Variants in ABCA5 observed in about 807,000 individuals in gnomAD.
ABCA5 encodes the protein cholesterol transporter ABCA5.
ABCA5 carries 163 observed loss-of-function variants against 206.0 expected under a neutral mutation model. The ratio of observed to expected loss-of-function variants is 0.79; its 90% CI spans 0.70 to 0.90. The LOEUF (loss-of-function observed/expected upper bound fraction) is 0.90. Ranked by LOEUF, ABCA5 falls within the 40% of genes least tolerant of loss-of-function variation. The pLI is 0.00. For synonymous variants in ABCA5, 609 were observed against 613.8 expected, an observed-to-expected ratio of 0.99 and a Z score of 0.11; for missense variants, 1,859 against 1,912.9, an observed-to-expected ratio of 0.97 and a Z score of 0.53.
intron 12 of ABCA5, among the ~76,000 whole-genome samples, chr17:69,290,821 T>C (rs994058772): frequency 2.0e-5 from 3 of 152,116 alleles, no homozygotes; most frequent in African/African-American, 4.8e-5. Context: ...TTTTAGAAGA[T>C]AGTATGAACA....
Position 69,289,870 on chromosome 17 carries a change from T to G in ABCA5, c.1774A>C (p.Ile592Leu). 6.2e-7 allele frequency: 1 copy of G among 1,603,804 alleles called. No individual in the cohort carries two copies. Reference protein sequence around the residue: ...SIKGIPANNIIQEVQKVLLDL... With the variant: ...SIKGIPANNILQEVQKVLLDL... ...CTATATGAATAGCATACTTCTTGTA[T>G]TATATTGTTGGCTGGTATCCCTTTG... is the stretch of plus-strand genomic sequence containing the variant. Residue 592 changes from isoleucine (I) to leucine (L), a missense_variant, in exon 13 of 39, where the codon ATA becomes CTA. Physicochemically the swap from Ile to Leu is conservative, Grantham distance 5. Coordinates refer to ENST00000392676, the MANE Select transcript of ABCA5 (RefSeq NM_172232.4).
At chr17:69,278,136 A>C (rs2075354185) in intron 18 of ABCA5, among the ~76,000 whole-genome samples, 1 of 152,138 alleles carries the variant, frequency 6.6e-6, no homozygotes, top group African/African-American at 2.4e-5. Context: ...TCTATGGAAT[A>C]GTGTAAACCA....
intron 24 of ABCA5, among the ~76,000 whole-genome samples, chr17:69,263,790 C>T (rs1267155198): frequency 1.3e-5 from 2 of 149,620 alleles, no homozygotes; most frequent in African/African-American, 2.5e-5. Context: ...TCTACCTCCC[C>T]GGTTCAAGCG....
chr17:69,312,011 C>T (rs776003677), intron 3 of ABCA5, among the ~76,000 whole-genome samples: 1 of 152,090 alleles, frequency 6.6e-6, no homozygotes, highest in Admixed American at 6.6e-5. Context: ...TAAAAGTTAC[C>T]TGGCTTCTGA....
In ABCA5 at chr17:69,253,870, C is replaced by A; in HGVS notation, c.4245-1G>T. 1 of 1,607,668 alleles carries A rather than the reference C, an allele frequency of 6.2e-7. No individual in the cohort carries two copies. Among genetic ancestry groups the A allele is most frequent in the Non-Finnish European group, 8.5e-7 (1 of 1,176,614 alleles). ...TTTTAAATCAAGTGCATGTGTTATT[C>A]TGCAAAATGAACAATACAAAATGAG... On this transcript the variant is annotated splice_acceptor_variant, in intron 32 of 38. Transcript: ENST00000392676. LOFTEE classifies it high-confidence loss of function.
chr17:69,294,612 G>T, intron 11 of ABCA5, 43 bp downstream of exon 11: 2 of 1,458,042 alleles, frequency 1.4e-6, no homozygotes, highest in Non-Finnish European at 1.9e-6. Context: ...TTTTCTAGTT[G>T]TACTTTAAAT....
intron 18 of ABCA5, among the ~76,000 whole-genome samples, chr17:69,280,304 T>C (rs1043085931): frequency 7.9e-5 from 12 of 152,140 alleles, no homozygotes; most frequent in African/African-American, 2.7e-4. Context: ...CACTGGCCAT[T>C]AGGGAAATGC....
intron 11 of ABCA5, among the ~76,000 whole-genome samples, chr17:69,294,245 G>A (rs1184802337): frequency 2.0e-5 from 3 of 152,150 alleles, no homozygotes; most frequent in Non-Finnish European, 4.4e-5. Flanking sequence ...GACAGGGGCT[G>A]GGCGCAGTGG....
At chr17:69,278,420 C>G (rs2144954269) in intron 18 of ABCA5, among the ~76,000 whole-genome samples, 1 of 152,308 alleles carries the variant, frequency 6.6e-6, no homozygotes, top group Admixed American at 6.5e-5. Context: ...AGAGTCCTCT[C>G]CTGGCTTTAC....
At chr17:69,261,573 G>C in intron 25 of ABCA5, 62 bp downstream of exon 25, 1 of 774,564 alleles carries the variant, frequency 1.3e-6, no homozygotes, top group Non-Finnish European at 2.0e-6. Context: ...AGTATAATCA[G>C]GAAAGAATTC....
rs1369422215 is a variant in ABCA5 at position 69,270,766 on chromosome 17, A to T, written c.2893-16T>A. 10 of 1,522,814 alleles carry T rather than the reference A, an allele frequency of 6.6e-6. No individual in the cohort carries two copies. Among genetic ancestry groups the T allele is most frequent in the African/African-American group, 1.4e-5 (1 of 70,296 alleles). 94.3% of individuals were successfully genotyped at this position (1,522,814 alleles called of 1,614,324 possible). ...AAACATAGTCCTACAATTAAAAAAAAGACACTTATTACATACTGTATATAA... is the reference window on the plus strand; with the variant it reads ...AAACATAGTCCTACAATTAAAAAAATGACACTTATTACATACTGTATATAA... On this transcript the variant is annotated splice_polypyrimidine_tract_variant and intron_variant, in intron 21 of 38. Transcript: ENST00000392676.
intron 18 of ABCA5, among the ~76,000 whole-genome samples, chr17:69,278,130 T>C (rs1351710391): frequency 1.3e-5 from 2 of 152,144 alleles, no homozygotes; most frequent in Admixed American, 6.5e-5. Context: ...CACTATTCTA[T>C]GGAATAGTGT....
intron 6 of ABCA5, among the ~76,000 whole-genome samples, chr17:69,305,863 C>A (rs556165350): frequency 2.0e-4 from 30 of 151,994 alleles, no homozygotes; most frequent in Admixed American, 7.2e-4. Flanking sequence ...AGAGCAAGAC[C>A]CTGTCTCAAA....
intron 20 of ABCA5, 149 bp downstream of exon 20, chr17:69,273,806 CATCA>C (rs2075300742): frequency 1.5e-6 from 1 of 687,232 alleles, no homozygotes; most frequent in African/African-American, 1.9e-5. Flanking sequence ...TATTCTTCAG[CATCA>C]ATAAGATACG....
In ABCA5 at chr17:69,326,659, T is replaced by C. The variant is rs137951910; in HGVS notation, c.-16+393A>G. Among the ~76,000 whole-genome samples, 1 of 152,324 alleles carries C rather than the reference T, an allele frequency of 6.6e-6. No homozygotes were observed. The highest frequency in any genetic ancestry group is 1.9e-4 in the East Asian group (1 of 5,168). ...ACGGAAATTTACATCAATATTTGTTTTCCTTCTTTCCCTGAGGTTGCTGAG... is the reference window on the plus strand; with the variant it reads ...ACGGAAATTTACATCAATATTTGTTCTCCTTCTTTCCCTGAGGTTGCTGAG... On this transcript the variant is annotated intron_variant, in intron 1 of 38. Transcript: ENST00000392676. This position sits in a 1 kb window ranked among gnomAD's most constrained non-coding sequence, Gnocchi z 4.8.
intron 19 of ABCA5, 134 bp from the exon 20 acceptor site, chr17:69,274,262 A>C: frequency 1.3e-6 from 1 of 788,566 alleles, no homozygotes; most frequent in East Asian, 2.9e-5. Context: ...TCTGTCACCC[A>C]GGCTGGAGTG....
chr17:69,261,491 A>T (rs1176627555), intron 25 of ABCA5, 144 bp downstream of exon 25: 3 of 617,398 alleles, frequency 4.9e-6, no homozygotes, highest in Non-Finnish European at 8.3e-6. Flanking sequence ...TCAGAAGACA[A>T]ATGTACACAC....
rs1470457665 is a variant in ABCA5, at chr17:69,264,916, T to C, written c.3145-11A>G. The C allele has an allele frequency of 2.1e-6, 3 of 1,456,198 alleles. No homozygotes were observed. Among genetic ancestry groups the C allele is most frequent in the Non-Finnish European group, 2.7e-6 (3 of 1,098,894 alleles). The allele number at this position is 1,456,198 out of a possible 1,614,324, so 90.2% of individuals were successfully genotyped here. A position where few individuals can be genotyped will look rare whatever the true frequency, so the allele number is the denominator to read the frequency against. On this transcript the variant is annotated splice_polypyrimidine_tract_variant and intron_variant, in intron 23 of 38. Coordinates refer to ENST00000392676, the MANE Select transcript of ABCA5 (RefSeq NM_172232.4). ...AGTATAAGCTTTGATCTAAAAAAAA[T>C]GAAAAACAATTTATTATAATTTTAG...
chr17:69,280,118 G>T (rs375761316), intron 18 of ABCA5, among the ~76,000 whole-genome samples: 3,679 of 151,730 alleles, frequency 0.024, 129 homozygotes, highest in African/African-American at 0.081. Context: ...GGGAGAAAAT[G>T]TTCGCAACCT....
Sources: allele counts gnomAD v4.1 joint callset (sites outside exome capture counted in the v4.1 genomes callset), GRCh38; gene constraint gnomAD v4.1.1; non-coding constraint Gnocchi (gnomAD v3.1); transcripts MANE v1.5; gene names NCBI Gene and HGNC (gene_info 2026-07-23, HGNC 2026-07-21).